WDR88: variants seen among roughly 807,000 people sequenced by gnomAD.
The protein encoded by WDR88 is WD repeat-containing protein 88.
Under a neutral mutation model 46.8 loss-of-function variants are expected in WDR88, and 40 were observed. That is an observed-to-expected ratio of 0.86 (90% confidence interval 0.66 to 1.11). The LOEUF (loss-of-function observed/expected upper bound fraction) is 1.11. Among genes scored for constraint, WDR88 ranks in the 50% most tolerant of loss-of-function variants. The pLI, the probability that WDR88 is intolerant of heterozygous loss-of-function variation, is 0.00. For synonymous variants in WDR88, 235 were observed against 240.7 expected, an observed-to-expected ratio of 0.98 and a Z score of 0.22; for missense variants, 562 against 602.4, an observed-to-expected ratio of 0.93 and a Z score of 0.70.
At chr19:33,140,247 T>A (rs1488487627) in intron 2 of WDR88, among the ~76,000 whole-genome samples, 1 of 152,132 alleles carries the variant, frequency 6.6e-6, no homozygotes, top group Non-Finnish European at 1.5e-5. Context: ...CTCAACCTCC[T>A]GGACTCAAGC....
At chr19:33,174,419 C>A in intron 10 of WDR88, 1 of 1,387,666 alleles carries the variant, frequency 7.2e-7, no homozygotes, top group Non-Finnish European at 9.4e-7. Flanking sequence ...TCCAGGGGAC[C>A]ATGCATGGTG....
At chr19:33,160,809 A>C (rs748650070) in intron 8 of WDR88, among the ~76,000 whole-genome samples, 10 of 152,158 alleles carry the variant, frequency 6.6e-5, no homozygotes, top group Non-Finnish European at 1.5e-4. Context: ...TTGAAGAAGA[A>C]GGGCAGTCCA....
At chr19:33,132,565 C>T (rs1599873273) in intron 1 of WDR88, 120 bp downstream of exon 1, 1 of 1,418,306 alleles carries the variant, frequency 7.1e-7, no homozygotes, top group East Asian at 2.4e-5. Flanking sequence ...CCCAGCGAGG[C>T]CCTAGGCCCA....
At chr19:33,172,465 C>T in intron 10 of WDR88, 25 bp downstream of exon 10, 1 of 1,576,924 alleles carries the variant, frequency 6.3e-7, no homozygotes, top group Non-Finnish European at 8.7e-7. Context: ...AAATTAAGCC[C>T]AGTGAAGGCT....
chr19:33,142,878 A>AAAAAAAAAAAAAAAG lies in WDR88; in HGVS notation c.388-1964_388-1963insAAAAAAAAAAAAGAA, dbSNP rs1289318961. On this transcript the variant is annotated intron_variant, in intron 2 of 10. Coordinates refer to ENST00000355868, the MANE Select transcript of WDR88 (RefSeq NM_173479.4). ...AAAAAAAAAAAAAAAAAAAAAAAAA[A>AAAAAAAAAAAAAAAG]AAGGCCGGGGGGCGGGAATAACGTG... 7.7e-5 allele frequency: 11 copies of AAAAAAAAAAAAAAAG among 142,968 alleles called. 1 individual carries two copies. The highest frequency in any genetic ancestry group is 3.0e-4 in the African/African-American group (11 of 36,876). The allele number at this position is 142,968 out of a possible 1,614,324, so 8.9% of individuals were successfully genotyped here.
intron 1 of WDR88, among the ~76,000 whole-genome samples, chr19:33,135,499 G>A (rs2145358919): frequency 6.6e-6 from 1 of 152,060 alleles, no homozygotes; most frequent in South Asian, 2.1e-4. Flanking sequence ...GCTCACTGCA[G>A]CCTCTGCCTC....
At position 33,137,309 on chromosome 19, in the gene WDR88, A is replaced by G. The variant is rs569629493; in HGVS notation, c.277-368A>G. On this transcript the variant is annotated intron_variant, in intron 1 of 10. Transcript: ENST00000355868. ...CACTCTGTCACCCAGGCTGGAGTGC[A>G]GTGGTGCAATCTTGGCTCACTGCAA... 2.0e-5 allele frequency among the ~76,000 whole-genome samples: 3 copies of G among 149,438 alleles called. No homozygotes were observed. In the Admixed American group the frequency reaches 2.0e-4, roughly 10 times the overall value.
intron 8 of WDR88, among the ~76,000 whole-genome samples, chr19:33,163,245 A>C (rs546192768): frequency 6.6e-6 from 1 of 152,146 alleles, no homozygotes; most frequent in Admixed American, 6.5e-5. Context: ...AGGCAGGAGA[A>C]TGGCGTGAAC....
intron 10 of WDR88, chr19:33,174,289 TG>T (rs1974089186): frequency 6.5e-7 from 1 of 1,532,472 alleles, no homozygotes; most frequent in Non-Finnish European, 8.7e-7. Context: ...CCCCGAGGCC[TG>T]CCCCAGGTAG....
chr19:33,156,599 T>C, intron 7 of WDR88, 57 bp downstream of exon 7: 2 of 1,545,536 alleles, frequency 1.3e-6, no homozygotes, highest in Non-Finnish European at 1.7e-6. Flanking sequence ...GGCAGAGTTC[T>C]CCATGTTCCG....
At chr19:33,157,683 GTATGTATATATATA>G (rs1424225840) in intron 7 of WDR88, among the ~76,000 whole-genome samples, 14 of 6,446 alleles carry the variant, frequency 2.2e-3, no homozygotes, top group Non-Finnish European at 3.3e-3. Flanking sequence ...GTGTGTGTAT[GTATGTATATATATA>G]TATATATATA....
chr19:33,172,539 A>G, intron 10 of WDR88, 99 bp downstream of exon 10: 1 of 978,154 alleles, frequency 1.0e-6, no homozygotes, highest in Non-Finnish European at 1.5e-6. Flanking sequence ...TGGAGATGCA[A>G]TCGTGAACAA....
At chr19:33,168,954 A>G (rs1308119592) in intron 9 of WDR88, among the ~76,000 whole-genome samples, 1 of 152,198 alleles carries the variant, frequency 6.6e-6, no homozygotes. Context: ...GCCCAGAAAT[A>G]AGGGATTTTT....
rs202209466 is a variant in WDR88, at chr19:33,164,280, G to T, written c.1149+15G>T. 69 of 1,611,268 alleles carry T rather than the reference G, an allele frequency of 4.3e-5. No homozygotes were observed. The highest frequency in any genetic ancestry group is 5.2e-5 in the Non-Finnish European group (61 of 1,177,488). On this transcript the variant is annotated intron_variant, in intron 9 of 10. Transcript: ENST00000355868. ...CTGCTTCCAAGGTAAAAGTGGTCAAGCTTACAATATCGATCACGTTCGCCA... is the reference window on the plus strand; with the variant it reads ...CTGCTTCCAAGGTAAAAGTGGTCAATCTTACAATATCGATCACGTTCGCCA...
At chr19:33,154,383 C>A (rs114628535) in intron 6 of WDR88, among the ~76,000 whole-genome samples, 3,123 of 152,186 alleles carry the variant, frequency 0.021, 116 homozygotes, top group African/African-American at 0.071. Flanking sequence ...TTGCCTCCCA[C>A]CCCCTGACAG....
In WDR88 at chr19:33,137,427, A is replaced by G. The variant is rs148293831; in HGVS notation, c.277-250A>G. Among the ~76,000 whole-genome samples, 1,501 of 151,284 alleles carry G rather than the reference A, an allele frequency of 9.9e-3. 28 individuals are homozygous for G. The highest frequency in any genetic ancestry group is 0.035 in the African/African-American group (1,442 of 41,168). ...GCCACCATGCCCAGCCAAGTTTTGT[A>G]TTTTTAGTAGAGATGGAGTTTTGCC... On this transcript the variant is annotated intron_variant, in intron 1 of 10. Coordinates refer to ENST00000355868, the MANE Select transcript of WDR88 (RefSeq NM_173479.4).
chr19:33,155,893 G>C, intron 6 of WDR88, among the ~76,000 whole-genome samples: 1 of 152,126 alleles, frequency 6.6e-6, no homozygotes. Flanking sequence ...AACACAGGAC[G>C]GCCCCCACAA....
chr19:33,152,286 C>A (rs529955933), intron 6 of WDR88, among the ~76,000 whole-genome samples: 1 of 151,238 alleles, frequency 6.6e-6, no homozygotes, highest in Non-Finnish European at 1.5e-5. Flanking sequence ...ATATTTTAAC[C>A]ATTTTTAAGT....
intron 1 of WDR88, among the ~76,000 whole-genome samples, chr19:33,133,375 C>T (rs1054382957): frequency 2.0e-5 from 3 of 151,896 alleles, no homozygotes; most frequent in African/African-American, 7.3e-5. Flanking sequence ...TGGTGAAACC[C>T]TTTCTCTACT....
Sources: allele counts gnomAD v4.1 joint callset (sites outside exome capture counted in the v4.1 genomes callset), GRCh38; gene constraint gnomAD v4.1.1; transcripts MANE v1.5; gene names NCBI Gene and HGNC (gene_info 2026-07-23, HGNC 2026-07-21).